The following PLXND1 variants were observed in gnomAD, a reference collection of about 807,000 sequenced individuals.
PLXND1 encodes the protein plexin D1.
In PLXND1, 54 loss-of-function variants were observed where a neutral mutation model predicts 197.7. That is an observed-to-expected ratio of 0.27 (90% confidence interval 0.22 to 0.34). The LOEUF is 0.34. PLXND1 is among the 10% of genes least tolerant of loss of function. The pLI, the probability that PLXND1 is intolerant of heterozygous loss-of-function variation, is 1.00. For missense variants in PLXND1, 2,127 were observed against 2,699.2 expected (o/e 0.79, Z 4.70); for synonymous variants, 1,180 against 1,161.2 (o/e 1.02, Z -0.33).
chr3:129,559,546 G>T, intron 32 of PLXND1, 74 bp downstream of exon 32: 1 of 1,252,922 alleles, frequency 8.0e-7, no homozygotes, highest in African/African-American at 1.5e-5. Context: ...GAGGCCAGAA[G>T]ACTAGACTCT....
intron 19 of PLXND1, among the ~76,000 whole-genome samples, chr3:129,570,480 G>T (rs2085208032): frequency 6.6e-6 from 1 of 152,200 alleles, no homozygotes; most frequent in Admixed American, 6.5e-5. Flanking sequence ...CTGCTCCCCT[G>T]CCTCTACATG....
chr3:129,570,964 TG>T, intron 18 of PLXND1, 29 bp from the exon 19 acceptor site: 1 of 1,613,978 alleles, frequency 6.2e-7, no homozygotes. Flanking sequence ...AGGATGCTCA[TG>T]GGGAAGTGCT....
rs201334507 is a variant in PLXND1 at position 129,584,393 on chromosome 3, G to A, written c.2021C>T (p.Pro674Leu). Residue 674 changes from proline (P) to leucine (L), a missense_variant, in exon 6 of 36, where the codon CCC (proline) becomes CTC (leucine). By Grantham distance (98) the Pro-to-Leu change is moderately conservative. This residue lies in a region of PLXND1 where 1,095 missense variants were observed against 1,259.8 expected (regional missense o/e 0.87). Transcript: ENST00000324093. ...CAGCACAGCGTGCTTACCCTGGTTG[G>A]GGGGGAAGGGCGGAAACTGGTCCCT... ...LPRDQFPPFP[P>L]NQDHVTVEMS... 1.2e-6 allele frequency: 2 copies of A among 1,612,432 alleles called. No homozygotes were observed. The highest frequency in any genetic ancestry group is 8.5e-7 in the Non-Finnish European group (1 of 1,179,206).
At chr3:129,576,091 C>T (rs1164388365) in intron 9 of PLXND1, among the ~76,000 whole-genome samples, 1 of 152,212 alleles carries the variant, frequency 6.6e-6, no homozygotes, top group East Asian at 1.9e-4. Flanking sequence ...ATGCGCTCAG[C>T]ACCACTAAAA....
chr3:129,561,298 G>A (rs556224138), intron 29 of PLXND1, among the ~76,000 whole-genome samples: 11 of 152,306 alleles, frequency 7.2e-5, no homozygotes, highest in Non-Finnish European at 1.0e-4. Flanking sequence ...TGCCTGGGGC[G>A]TCTGAGGGTG....
intron 1 of PLXND1, among the ~76,000 whole-genome samples, chr3:129,595,917 G>GCAGGCACA (rs1553793002): frequency 4.3e-5 from 1 of 23,138 alleles, no homozygotes; most frequent in African/African-American, 1.3e-4. Context: ...GGGGGTGCAC[G>GCAGGCACA]CACGCACACA....
chr3:129,563,097 G>A lies in PLXND1; in HGVS notation c.4665C>T (p.Pro1555=), dbSNP rs764190905. ...WLLRENIEAK[P]RNLNVSFQGC... ...CCTCCCCGCCCTGCCGACTTACCCG[G>A]GGCTTGGCCTCGATGTTCTCCCGCA... Residue 1555 remains proline, a synonymous_variant, in exon 26 of 36, where the codon CCC becomes CCT. Transcript: ENST00000324093. The A allele has an allele frequency of 3.7e-6, 6 of 1,613,482 alleles. No individual in the cohort carries two copies.
Position 129,583,593 on chromosome 3 carries a change from G to A in PLXND1, c.2215C>T (p.Arg739Trp), listed in dbSNP as rs778790008. ...GTGGGGTTTGGTGAGGCCTCGCACCGAGACTGGTTGGAAACACAGGAGTGC... is the reference window on the plus strand; with the variant it reads ...GTGGGGTTTGGTGAGGCCTCGCACCAAGACTGGTTGGAAACACAGGAGTGC... Reference protein sequence around the residue: ...QQHSCVSNQSRCEASPNPTSP... With the variant: ...QQHSCVSNQSWCEASPNPTSP... Residue 739 changes from arginine (R) to tryptophan (W), a missense_variant, in exon 8 of 36, where the codon CGG becomes TGG. This residue lies in a region of PLXND1 where 1,095 missense variants were observed against 1,259.8 expected (regional missense o/e 0.87). Coordinates refer to ENST00000324093, the MANE Select transcript of PLXND1 (RefSeq NM_015103.3). The A allele has an allele frequency of 2.7e-5, 44 of 1,613,830 alleles. 1 individual carries two copies. The Middle Eastern group carries it at 9.9e-4, about 36-fold the overall frequency.
At chr3:129,574,914 G>A (rs905440100) in intron 11 of PLXND1, among the ~76,000 whole-genome samples, 1 of 152,146 alleles carries the variant, frequency 6.6e-6, no homozygotes, top group Non-Finnish European at 1.5e-5. Flanking sequence ...TGAGTAATGT[G>A]GACTATGAGT....
At chr3:129,579,131 A>G (rs1207335808) in intron 8 of PLXND1, among the ~76,000 whole-genome samples, 2 of 151,624 alleles carry the variant, frequency 1.3e-5, no homozygotes, top group African/African-American at 4.9e-5. Context: ...GGCCTGGCAG[A>G]GCAGCTGCTT....
intron 12 of PLXND1, 60 bp downstream of exon 12, chr3:129,574,276 G>A: frequency 6.8e-7 from 1 of 1,473,994 alleles, no homozygotes; most frequent in Non-Finnish European, 9.1e-7. Context: ...ACCCTCGAGG[G>A]CACTGCGCAT....
rs948002276 is a variant in PLXND1, at chr3:129,555,247, G to A, written c.*1065C>T. ...TCCGTAAGGCTTTTATTATAAAGAA[G>A]ATTCCAGAGTCCCAGCTGCCCCCCT... On this transcript the variant is annotated 3_prime_UTR_variant, in exon 36 of 36. Coordinates refer to ENST00000324093, the MANE Select transcript of PLXND1 (RefSeq NM_015103.3). 8.0e-5 allele frequency: 36 copies of A among 451,710 alleles called. No individual in the cohort carries two copies. The Admixed American group carries it at 1.2e-3, about 15-fold the overall frequency. The allele number at this position is 451,710 out of a possible 1,614,324, so 28.0% of individuals were successfully genotyped here.
rs1278497344 is a variant in PLXND1, at chr3:129,586,593, G to A, written c.1615C>T (p.His539Tyr). ...DSGYLYLMTSHQMARVKVAAC... is the reference protein window; with the variant it reads ...DSGYLYLMTSYQMARVKVAAC... Reference sequence around the variant, plus strand: ...GGCTGGGGCTCTGGCCTCACCTGGTGGGACGTCATCAGGTAAAGGTAACCG... The same window carrying A: ...GGCTGGGGCTCTGGCCTCACCTGGTAGGACGTCATCAGGTAAAGGTAACCG... Residue 539 changes from histidine to tyrosine, a missense_variant, in exon 3 of 36, where the codon CAC becomes TAC. This residue lies in a region of PLXND1 where 1,095 missense variants were observed against 1,259.8 expected (regional missense o/e 0.87). Transcript: ENST00000324093. The A allele has an allele frequency of 1.3e-6, 2 of 1,567,754 alleles. No individual in the cohort carries two copies. Among genetic ancestry groups the A allele is most frequent in the Non-Finnish European group, 8.7e-7 (1 of 1,155,592 alleles).
intron 35 of PLXND1, 43 bp downstream of exon 35, chr3:129,556,574 C>T (rs918583382): frequency 1.4e-6 from 2 of 1,452,994 alleles, no homozygotes; most frequent in African/African-American, 1.4e-5. Flanking sequence ...GAGTAGGAAG[C>T]TCACCTACCC....
At chr3:129,585,333 G>T (rs532491145) in intron 5 of PLXND1, among the ~76,000 whole-genome samples, 1 of 152,338 alleles carries the variant, frequency 6.6e-6, no homozygotes, top group East Asian at 1.9e-4. Context: ...AGAGCCAGAT[G>T]CATGAACCCC....
chr3:129,574,374 G>A lies in PLXND1; in HGVS notation c.2647C>T (p.Pro883Ser). The A allele has an allele frequency of 1.2e-6, 2 of 1,610,606 alleles. No individual in the cohort carries two copies. The highest frequency in any genetic ancestry group is 1.7e-6 in the Non-Finnish European group (2 of 1,179,016). ...DGCRLRGPLQPMAGTCPAPEI... is the reference protein window; with the variant it reads ...DGCRLRGPLQSMAGTCPAPEI... ...GGGGCGGGGCAGGTGCCAGCCATGGGCTGCAGAGGCCCCCGCAGGCGGCAG... is the reference window on the plus strand; with the variant it reads ...GGGGCGGGGCAGGTGCCAGCCATGGACTGCAGAGGCCCCCGCAGGCGGCAG... Residue 883 changes from proline (P) to serine (S), a missense_variant, in exon 12 of 36, where the codon CCC (proline) becomes TCC (serine). Coordinates refer to ENST00000324093, the MANE Select transcript of PLXND1 (RefSeq NM_015103.3).
intron 1 of PLXND1, among the ~76,000 whole-genome samples, chr3:129,597,804 G>A (rs914116154): frequency 6.6e-6 from 1 of 152,240 alleles, no homozygotes; most frequent in African/African-American, 2.4e-5. Flanking sequence ...TACTTGGGGG[G>A]CAGTGAGGAT....
chr3:129,570,392 A>T (rs969194307), intron 19 of PLXND1, among the ~76,000 whole-genome samples: 3 of 151,976 alleles, frequency 2.0e-5, no homozygotes, highest in African/African-American at 7.2e-5. Flanking sequence ...GGGGTGGCAC[A>T]CGCTGCTTGG....
chr3:129,586,708 G>A lies in PLXND1; in HGVS notation c.1500C>T (p.Asn500=), dbSNP rs770727652. 2.4e-5 allele frequency: 39 copies of A among 1,599,644 alleles called. No individual in the cohort carries two copies. The highest frequency in any genetic ancestry group is 4.5e-5 in the South Asian group (4 of 88,238). ...VNGRLLKINL[N]ESMQVVSRRV... The stretch of plus-strand genomic sequence containing the variant: ...GCCTGCTCACCACCTGCATGCTCTC[G>A]TTCAGGTTGATCTGTGGGGGTAGTG... The change falls in exon 3 of 36, where the codon AAC becomes AAT. Residue 500 remains asparagine, a synonymous_variant. Coordinates refer to ENST00000324093, the MANE Select transcript of PLXND1 (RefSeq NM_015103.3).
Sources: allele counts gnomAD v4.1 joint callset (sites outside exome capture counted in the v4.1 genomes callset), GRCh38; gene constraint gnomAD v4.1.1; regional missense constraint gnomAD v4.1.1; transcripts MANE v1.5; gene names NCBI Gene and HGNC (gene_info 2026-07-23, HGNC 2026-07-21).